The following MBOAT2 variants were observed in gnomAD, a reference collection of about 807,000 sequenced individuals.
The protein encoded by MBOAT2 is membrane bound glycerophospholipid O-acyltransferase 2.
Under a neutral mutation model 63.4 loss-of-function variants are expected in MBOAT2, and 28 were observed. That is an observed-to-expected ratio of 0.44 (90% CI 0.33 to 0.61). MBOAT2 has a LOEUF of 0.61. Among genes scored for constraint, MBOAT2 ranks in the 20% least tolerant of loss-of-function variants. The probability of loss-of-function intolerance (pLI) is 0.03; values close to 1 mark genes in which losing one functional copy is unlikely to be tolerated. For synonymous variants in MBOAT2, 211 were observed against 215.6 expected, an observed-to-expected ratio of 0.98 and a Z score of 0.19; for missense variants, 470 against 605.8, an observed-to-expected ratio of 0.78 and a Z score of 2.35.
rs187368840 is a variant in MBOAT2, at chr2:8,857,081, A to C, written c.*1598T>G. On this transcript the variant is annotated 3_prime_UTR_variant, in exon 13 of 13. Transcript: ENST00000305997. Reference sequence around the variant, plus strand: ...TTCTTTAAATGAAGTATTATATAGCATAAGCCAGATGGTTGCCTTGTCTTT... The same window carrying C: ...TTCTTTAAATGAAGTATTATATAGCCTAAGCCAGATGGTTGCCTTGTCTTT... 10 of 152,802 alleles carry C rather than the reference A, an allele frequency of 6.5e-5. 1 individual carries two copies. Among genetic ancestry groups the C allele is most frequent in the African/African-American group, 2.2e-4 (9 of 41,586 alleles). 9.5% of individuals were successfully genotyped at this position (152,802 alleles called of 1,614,324 possible).
intron 3 of MBOAT2, 71 bp downstream of exon 3, chr2:8,943,116 T>A (rs183942694): frequency 1.2e-6 from 1 of 828,796 alleles, no homozygotes; most frequent in Admixed American, 3.0e-5. Context: ...ATGTAATAAA[T>A]AAAATTCTAT....
intron 1 of MBOAT2, among the ~76,000 whole-genome samples, chr2:8,968,102 C>T (rs986234157): frequency 2.0e-5 from 3 of 152,054 alleles, no homozygotes; most frequent in Non-Finnish European, 2.9e-5. Flanking sequence ...CCCTGACCCC[C>T]GAGAAGCCTA....
intron 1 of MBOAT2, among the ~76,000 whole-genome samples, chr2:8,998,127 C>T (rs774307940): frequency 3.9e-5 from 6 of 152,176 alleles, no homozygotes; most frequent in Non-Finnish European, 8.8e-5. Flanking sequence ...AAGCCCAACA[C>T]ACATAGAGGA....
chr2:8,896,087 A>C (rs1344165541), intron 4 of MBOAT2, among the ~76,000 whole-genome samples: 1 of 151,996 alleles, frequency 6.6e-6, no homozygotes, highest in Non-Finnish European at 1.5e-5. Context: ...AATGCAAAAA[A>C]AATTATCCAG....
At chr2:8,993,676 G>T (rs926011714) in intron 1 of MBOAT2, among the ~76,000 whole-genome samples, 1 of 152,092 alleles carries the variant, frequency 6.6e-6, no homozygotes, top group African/African-American at 2.4e-5. Context: ...TCCTCAGCAG[G>T]ACCTGGCCCT....
In MBOAT2 at chr2:8,877,149, G is replaced by A. The variant is rs1282610321; in HGVS notation, c.571C>T (p.Pro191Ser). The change falls in exon 7 of 13, where the codon CCA (proline) becomes TCA (serine). Residue 191 changes from proline to serine, a missense_variant. Around this residue, in one of 3 missense-constraint regions of MBOAT2, gnomAD observed 376 missense variants for 503.8 expected, o/e 0.75. Transcript: ENST00000305997. The part of the protein sequence containing the change: ...NCNFMGILAG[P>S]LCSYKDYITF... ...ATGTAGTCTTTGTAAGAGCAAAGTG[G>A]GCCTGCCAGGATCCCCATGAAGTTA... 1 of 1,613,844 alleles carries A rather than the reference G, an allele frequency of 6.2e-7. No homozygotes were observed. The highest frequency in any genetic ancestry group is 8.5e-7 in the Non-Finnish European group (1 of 1,179,956).
rs146250362 is a variant in MBOAT2 at position 8,976,440 on chromosome 2, A to C, written c.76-17798T>G. On this transcript the variant is annotated intron_variant, in intron 1 of 12. Coordinates refer to ENST00000305997, the MANE Select transcript of MBOAT2 (RefSeq NM_138799.4). ...AGCCTAAGGAAGGGTTAAACTATGA[A>C]GCTTCAGTAGGCGACCTACTGAAAT... Among the ~76,000 whole-genome samples, 65 of 152,274 alleles carry C rather than the reference A, an allele frequency of 4.3e-4. No individual in the cohort carries two copies. In the East Asian group the frequency reaches 6.4e-3, roughly 15 times the overall value.
chr2:8,998,131 T>G (rs6713161), intron 1 of MBOAT2, among the ~76,000 whole-genome samples: 16,234 of 152,140 alleles, frequency 0.11, 1,650 homozygotes, highest in African/African-American at 0.26. Context: ...CCAACACACA[T>G]AGAGGAGGAA....
chr2:8,929,330 GTTCATTCATTCATTCATTCA>G (rs56004479), intron 3 of MBOAT2, among the ~76,000 whole-genome samples: 1 of 151,376 alleles, frequency 6.6e-6, no homozygotes, highest in Non-Finnish European at 1.5e-5. Flanking sequence ...TTATTTATTT[GTTCATTCATTCATTCATTCA>G]TTCATTCATT....
chr2:8,936,802 AAAAG>A (rs1667696200), intron 3 of MBOAT2, among the ~76,000 whole-genome samples: 3 of 142,964 alleles, frequency 2.1e-5, no homozygotes, highest in Admixed American at 6.7e-5. Flanking sequence ...AAAAAAAAAA[AAAAG>A]AAAAGAAAAA....
At chr2:8,907,142 CTTAT>C (rs1256042295) in intron 4 of MBOAT2, among the ~76,000 whole-genome samples, 1 of 152,102 alleles carries the variant, frequency 6.6e-6, no homozygotes, top group Non-Finnish European at 1.5e-5. Context: ...TTAATAAATG[CTTAT>C]TTCTCACTTA....
intron 4 of MBOAT2, among the ~76,000 whole-genome samples, chr2:8,889,939 C>T (rs1033201861): frequency 3.3e-5 from 5 of 152,062 alleles, no homozygotes; most frequent in African/African-American, 9.7e-5. Context: ...AAGTAAGCTG[C>T]GCTGGGAGGA....
At chr2:8,993,287 T>G (rs575283538) in intron 1 of MBOAT2, among the ~76,000 whole-genome samples, 1 of 152,340 alleles carries the variant, frequency 6.6e-6, no homozygotes, top group South Asian at 2.1e-4. Context: ...TAACCCATTT[T>G]AAAAAGGTTT....
chr2:8,931,702 G>A (rs1667328646), intron 3 of MBOAT2, among the ~76,000 whole-genome samples: 1 of 151,992 alleles, frequency 6.6e-6, no homozygotes. Context: ...TTTCTTCTAG[G>A]GTTTCTATAG....
intron 3 of MBOAT2, among the ~76,000 whole-genome samples, chr2:8,912,658 G>T (rs569597963): frequency 6.6e-6 from 1 of 152,192 alleles, no homozygotes; most frequent in East Asian, 1.9e-4. Flanking sequence ...ACCGCTACAA[G>T]GAAAACTACA....
Position 8,862,304 on chromosome 2 carries a change from A to C in MBOAT2, c.1185+286T>G, listed in dbSNP as rs1273585137. ...ATCATCTTTATTTAACTCAGTTTTT[A>C]TCTCTCCTTCAGAAAATTCTGTAAA... On this transcript the variant is annotated intron_variant, in intron 11 of 12. Coordinates refer to ENST00000305997, the MANE Select transcript of MBOAT2 (RefSeq NM_138799.4). The surrounding 1 kb of genome is among the most constrained non-coding windows in gnomAD (Gnocchi z 4.3). 1.5e-6 allele frequency: 2 copies of C among 1,350,656 alleles called. No homozygotes were observed. The highest frequency in any genetic ancestry group is 1.9e-6 in the Non-Finnish European group (2 of 1,029,766). The allele number at this position is 1,350,656 out of a possible 1,614,324, so 83.7% of individuals were successfully genotyped here. A position where few individuals can be genotyped will look rare whatever the true frequency, so the allele number is the denominator to read the frequency against.
At chr2:8,860,550 CA>C in intron 12 of MBOAT2, 62 bp downstream of exon 12, 2 of 1,525,704 alleles carry the variant, frequency 1.3e-6, no homozygotes, top group Non-Finnish European at 1.8e-6. Flanking sequence ...TATCCAATAG[CA>C]AGAAACTTTC....
intron 4 of MBOAT2, among the ~76,000 whole-genome samples, chr2:8,901,511 G>A (rs1476814407): frequency 1.3e-5 from 2 of 151,104 alleles, no homozygotes; most frequent in African/African-American, 4.9e-5. Flanking sequence ...GTACTATAAA[G>A]ATGTTATGCC....
At chr2:8,962,761 TG>T (rs1330780801) in intron 1 of MBOAT2, among the ~76,000 whole-genome samples, 2 of 151,838 alleles carry the variant, frequency 1.3e-5, no homozygotes, top group Non-Finnish European at 2.9e-5. Flanking sequence ...TTTTATATAT[TG>T]AATGGATTTA....
Sources: allele counts gnomAD v4.1 joint callset (sites outside exome capture counted in the v4.1 genomes callset), GRCh38; gene constraint gnomAD v4.1.1; regional missense constraint gnomAD v4.1.1; non-coding constraint Gnocchi (gnomAD v3.1); transcripts MANE v1.5; gene names NCBI Gene and HGNC (gene_info 2026-07-23, HGNC 2026-07-21).